CTNND2: variants seen among roughly 807,000 people sequenced by gnomAD.
CTNND2 encodes catenin delta-2.
CTNND2 carries 22 observed loss-of-function variants against 144.4 expected under a neutral mutation model. The observed-to-expected ratio is 0.15, with a 90% CI of 0.11 to 0.22. The LOEUF (loss-of-function observed/expected upper bound fraction) is 0.22, where lower values mean the gene tolerates loss of function less well. Among genes scored for constraint, CTNND2 ranks in the 10% least tolerant of loss-of-function variants. CTNND2 has a pLI of 1.00. For missense variants in CTNND2, 1,353 were observed against 1,618.8 expected, an observed-to-expected ratio of 0.84 and a Z score of 2.82; for synonymous variants, 751 against 695.6, an observed-to-expected ratio of 1.08 and a Z score of -1.25.
At chr5:11,684,974 T>C (rs1160619582) in intron 2 of CTNND2, among the ~76,000 whole-genome samples, 1 of 152,220 alleles carries the variant, frequency 6.6e-6, no homozygotes, top group African/African-American at 2.4e-5. Flanking sequence ...ATAGTAATCA[T>C]TGCCGTGAAA....
intron 1 of CTNND2, among the ~76,000 whole-genome samples, chr5:11,874,755 T>A (rs1400404937): frequency 6.6e-6 from 1 of 152,228 alleles, no homozygotes; most frequent in Non-Finnish European, 1.5e-5. Context: ...TAGACCACAG[T>A]TGACTGTGGA....
chr5:11,349,198 A>G (rs1393798994), intron 8 of CTNND2, among the ~76,000 whole-genome samples: 1 of 152,192 alleles, frequency 6.6e-6, no homozygotes, highest in Non-Finnish European at 1.5e-5. Context: ...AAACAAATAA[A>G]TTATTAATAT....
intron 9 of CTNND2, among the ~76,000 whole-genome samples, chr5:11,331,232 C>A (rs1290399532): frequency 6.6e-6 from 1 of 152,044 alleles, no homozygotes; most frequent in Non-Finnish European, 1.5e-5. Flanking sequence ...ACTGTTGGTT[C>A]CTGGAAGAAA....
chr5:11,628,171 G>A (rs553080386), intron 2 of CTNND2, among the ~76,000 whole-genome samples: 35 of 151,964 alleles, frequency 2.3e-4, no homozygotes, highest in Admixed American at 7.9e-4. Flanking sequence ...TTCACCATGC[G>A]GAACAATGGG....
At chr5:11,443,236 ATGTGTG>A (rs142482923) in intron 3 of CTNND2, among the ~76,000 whole-genome samples, 6 of 79,362 alleles carry the variant, frequency 7.6e-5, no homozygotes, top group African/African-American at 2.8e-4. Context: ...TGTGTGTGTG[ATGTGTG>A]TGTGTGTGTG....
intron 2 of CTNND2, among the ~76,000 whole-genome samples, chr5:11,694,251 C>A (rs1042532040): frequency 2.6e-5 from 4 of 151,658 alleles, no homozygotes; most frequent in Non-Finnish European, 5.9e-5. Flanking sequence ...CTGGCTAACA[C>A]GGTGAAACCC....
At chr5:11,800,961 C>T (rs1257922020) in intron 1 of CTNND2, among the ~76,000 whole-genome samples, 1 of 152,150 alleles carries the variant, frequency 6.6e-6, no homozygotes, top group Non-Finnish European at 1.5e-5. Context: ...AAGGTACATA[C>T]AGAGTTTCAC....
intron 15 of CTNND2, among the ~76,000 whole-genome samples, chr5:11,091,575 G>A (rs549877445): frequency 2.0e-5 from 3 of 152,188 alleles, no homozygotes; most frequent in East Asian, 1.9e-4. Context: ...GTATTCCTAC[G>A]GGTATCTTAA....
intron 3 of CTNND2, among the ~76,000 whole-genome samples, chr5:11,435,590 T>C (rs1763701807): frequency 6.6e-6 from 1 of 152,192 alleles, no homozygotes; most frequent in South Asian, 2.1e-4. Context: ...TCCCATACAT[T>C]TTTATACAAA....
At chr5:11,286,249 G>T (rs1051045831) in intron 9 of CTNND2, among the ~76,000 whole-genome samples, 2 of 151,966 alleles carry the variant, frequency 1.3e-5, no homozygotes, top group Non-Finnish European at 2.9e-5. Context: ...TAAAAAAAAA[G>T]AGACATGCCA....
intron 2 of CTNND2, among the ~76,000 whole-genome samples, chr5:11,652,177 G>A (rs751681891): frequency 9.2e-5 from 14 of 152,154 alleles, no homozygotes; most frequent in South Asian, 2.1e-4. Flanking sequence ...GACTTCCCCC[G>A]TGCTATTTTT....
At chr5:11,542,680 A>C (rs983382939) in intron 3 of CTNND2, among the ~76,000 whole-genome samples, 9 of 152,198 alleles carry the variant, frequency 5.9e-5, no homozygotes, top group African/African-American at 2.2e-4. Context: ...GTCATTATAC[A>C]CTCTTAATTC....
At chr5:11,156,640 C>T (rs1375937658) in intron 12 of CTNND2, among the ~76,000 whole-genome samples, 7 of 152,132 alleles carry the variant, frequency 4.6e-5, no homozygotes, top group Non-Finnish European at 1.0e-4. Context: ...ACATTATTAT[C>T]TAAAATATGC....
At chr5:11,823,978 G>T (rs554213937) in intron 1 of CTNND2, among the ~76,000 whole-genome samples, 2 of 151,566 alleles carry the variant, frequency 1.3e-5, no homozygotes, top group South Asian at 4.2e-4. Flanking sequence ...CATGGTGGCG[G>T]GATGCCTGTA....
chr5:11,665,174 C>T (rs922786351), intron 2 of CTNND2, among the ~76,000 whole-genome samples: 4 of 152,102 alleles, frequency 2.6e-5, no homozygotes, highest in East Asian at 1.9e-4. Flanking sequence ...AGTGCATCTC[C>T]GTTCAGAGCT....
chr5:11,132,077 A>C (rs1200578339), intron 12 of CTNND2, among the ~76,000 whole-genome samples: 1 of 152,236 alleles, frequency 6.6e-6, no homozygotes, highest in Non-Finnish European at 1.5e-5. Context: ...AAAGAACTGC[A>C]TATACTCTCA....
intron 18 of CTNND2, among the ~76,000 whole-genome samples, chr5:10,994,396 G>C (rs1221119026): frequency 2.8e-5 from 1 of 35,842 alleles, no homozygotes; most frequent in Non-Finnish European, 5.8e-5. Context: ...GAGGAGGGGG[G>C]CGGGGAACGA....
intron 9 of CTNND2, among the ~76,000 whole-genome samples, chr5:11,295,401 T>G (rs1311445): frequency 0.34 from 51,746 of 151,906 alleles, 8,925 homozygotes; most frequent in Middle Eastern, 0.39. Flanking sequence ...AAAATGGCCA[T>G]ACTGCCCAAG....
At chr5:11,417,496 A>G (rs1484844078) in intron 3 of CTNND2, among the ~76,000 whole-genome samples, 2 of 152,222 alleles carry the variant, frequency 1.3e-5, no homozygotes, top group Non-Finnish European at 2.9e-5. Flanking sequence ...AATAGAAGAG[A>G]GCTCATCAGA....
Sources: allele counts gnomAD v4.1 joint callset (sites outside exome capture counted in the v4.1 genomes callset), GRCh38; gene constraint gnomAD v4.1.1; transcripts MANE v1.5; gene names NCBI Gene and HGNC (gene_info 2026-07-23, HGNC 2026-07-21).